CDK6: variants seen among roughly 807,000 people sequenced by gnomAD.
CDK6 encodes cyclin dependent kinase 6.
CDK6 carries 6 observed loss-of-function variants against 37.1 expected under a neutral mutation model. The ratio of observed to expected loss-of-function variants is 0.16; its 90% confidence interval spans 0.09 to 0.32. CDK6 has a LOEUF of 0.32. Among genes scored for constraint, CDK6 ranks in the 10% least tolerant of loss-of-function variants. The probability of loss-of-function intolerance (pLI) is 1.00; values close to 1 mark genes in which losing one functional copy is unlikely to be tolerated. For synonymous variants in CDK6, 160 were observed against 161.3 expected (o/e 0.99, Z 0.06); for missense variants, 224 against 418.9 (o/e 0.53, Z 4.06).
At chr7:92,780,677 C>T (rs989896254) in intron 2 of CDK6, among the ~76,000 whole-genome samples, 11 of 149,982 alleles carry the variant, frequency 7.3e-5, no homozygotes, top group African/African-American at 2.4e-4. Flanking sequence ...AGGAGAATGG[C>T]GTGAACCTGA....
chr7:92,616,950 T>A (rs966915711), intron 7 of CDK6, among the ~76,000 whole-genome samples: 7 of 152,208 alleles, frequency 4.6e-5, no homozygotes, highest in African/African-American at 1.7e-4. Flanking sequence ...AGGAACAAGG[T>A]TGCCAGGTTG....
At chr7:92,719,541 G>A (rs1435490563) in intron 4 of CDK6, among the ~76,000 whole-genome samples, 2 of 152,234 alleles carry the variant, frequency 1.3e-5, no homozygotes, top group East Asian at 3.9e-4. Context: ...GATTCTTGGA[G>A]AAAGAGAATA....
rs3731342 is a variant in CDK6, at chr7:92,644,335, A to G, written c.648-21249T>C. Reference sequence around the variant, plus strand: ...ATATATGGGGTTGGGACAAGTGGCTATTTACAGCTAAGAAGGGAATATTTT... The same window carrying G: ...ATATATGGGGTTGGGACAAGTGGCTGTTTACAGCTAAGAAGGGAATATTTT... On this transcript the variant is annotated intron_variant, in intron 5 of 7. Transcript: ENST00000424848. 5.9e-5 allele frequency among the ~76,000 whole-genome samples: 9 copies of G among 152,304 alleles called. No individual in the cohort carries two copies. The East Asian group carries it at 1.2e-3, about 20-fold the overall frequency.
At chr7:92,667,709 G>T (rs1034914467) in intron 5 of CDK6, among the ~76,000 whole-genome samples, 5 of 151,868 alleles carry the variant, frequency 3.3e-5, no homozygotes, top group Admixed American at 3.3e-4. Context: ...ACACCACCAT[G>T]TCTGGTTAAT....
intron 2 of CDK6, among the ~76,000 whole-genome samples, chr7:92,787,049 G>A (rs1800159683): frequency 6.6e-6 from 1 of 151,952 alleles, no homozygotes; most frequent in African/African-American, 2.4e-5. Context: ...GGGTGTGGTG[G>A]CGCATGTCTG....
intron 4 of CDK6, among the ~76,000 whole-genome samples, chr7:92,718,134 A>T (rs1271592395): frequency 6.6e-6 from 1 of 152,182 alleles, no homozygotes; most frequent in Non-Finnish European, 1.5e-5. Context: ...TGAAAGTGAA[A>T]ACGAAACCGG....
At chr7:92,695,582 G>A (rs1226647271) in intron 4 of CDK6, among the ~76,000 whole-genome samples, 2 of 152,226 alleles carry the variant, frequency 1.3e-5, no homozygotes, top group Non-Finnish European at 2.9e-5. Flanking sequence ...TTCACATTCT[G>A]GCAGGACAGG....
chr7:92,666,794 C>T (rs894692903), intron 5 of CDK6, among the ~76,000 whole-genome samples: 4 of 152,206 alleles, frequency 2.6e-5, no homozygotes, highest in East Asian at 3.8e-4. Context: ...TAATTATATA[C>T]AGTACATAAT....
Position 92,835,636 on chromosome 7 carries a change from C to T in CDK6, c.-368+842G>A, listed in dbSNP as rs1289853681. Among the ~76,000 whole-genome samples, 2 of 152,216 alleles carry T rather than the reference C, an allele frequency of 1.3e-5. No individual in the cohort carries two copies. Among genetic ancestry groups the T allele is most frequent in the Non-Finnish European group, 2.9e-5 (2 of 68,042 alleles). On this transcript the variant is annotated intron_variant, in intron 1 of 7. Transcript: ENST00000424848. This position sits in a 1 kb window ranked among gnomAD's most constrained non-coding sequence, Gnocchi z 4.2. The stretch of plus-strand genomic sequence containing the variant: ...TTTCTGTCTCTGCTCTCTGTCTTCA[C>T]ACTCAATGAAATCCTTCATGCGCCT...
chr7:92,770,455 T>TTAA, intron 3 of CDK6, among the ~76,000 whole-genome samples: 1 of 152,206 alleles, frequency 6.6e-6, no homozygotes, highest in Non-Finnish European at 1.5e-5. Flanking sequence ...ATGTACTTTA[T>TTAA]TAAAGTCCCA....
At chr7:92,679,915 C>T (rs1015424849) in intron 4 of CDK6, among the ~76,000 whole-genome samples, 4 of 151,684 alleles carry the variant, frequency 2.6e-5, no homozygotes, top group South Asian at 2.1e-4. Flanking sequence ...GACAGAGTTT[C>T]GCCATGTTGC....
chr7:92,686,087 A>C (rs1412185470), intron 4 of CDK6, among the ~76,000 whole-genome samples: 2 of 152,260 alleles, frequency 1.3e-5, no homozygotes, highest in African/African-American at 4.8e-5. Flanking sequence ...AGAAGTGATC[A>C]CAGTGATATC....
chr7:92,666,195 A>G (rs1222223111), intron 5 of CDK6, among the ~76,000 whole-genome samples: 1 of 152,228 alleles, frequency 6.6e-6, no homozygotes, highest in Non-Finnish European at 1.5e-5. Context: ...CTGGCCTTCC[A>G]CTGAGAAATC....
At chr7:92,706,327 G>A (rs142725814) in intron 4 of CDK6, among the ~76,000 whole-genome samples, 1 of 152,324 alleles carries the variant, frequency 6.6e-6, no homozygotes, top group Non-Finnish European at 1.5e-5. Context: ...TTGAGCCCAG[G>A]AGGCTGAGAC....
intron 2 of CDK6, among the ~76,000 whole-genome samples, chr7:92,782,815 T>A (rs1800027532): frequency 6.6e-6 from 1 of 152,242 alleles, no homozygotes; most frequent in Non-Finnish European, 1.5e-5. Context: ...AAAATTGTCC[T>A]AAGACATCTA....
chr7:92,836,216 G>A (rs567360498), intron 1 of CDK6, among the ~76,000 whole-genome samples: 4 of 140,098 alleles, frequency 2.9e-5, no homozygotes, highest in African/African-American at 1.1e-4. Context: ...CGGTGTCGCG[G>A]GTGTCCCTAG....
At chr7:92,818,271 A>T (rs147232874) in intron 2 of CDK6, among the ~76,000 whole-genome samples, 1 of 152,166 alleles carries the variant, frequency 6.6e-6, no homozygotes, top group Non-Finnish European at 1.5e-5. Flanking sequence ...CAAAAGAACA[A>T]AGAGTCTAAA....
intron 5 of CDK6, among the ~76,000 whole-genome samples, chr7:92,638,342 C>T (rs186704760): frequency 8.4e-4 from 128 of 152,304 alleles, no homozygotes; most frequent in Non-Finnish European, 5.1e-4. Context: ...AGTGACTCTG[C>T]CAAGCCAATC....
intron 4 of CDK6, among the ~76,000 whole-genome samples, chr7:92,683,169 T>C (rs1169441904): frequency 2.6e-5 from 4 of 151,606 alleles, no homozygotes; most frequent in African/African-American, 9.7e-5. Context: ...TATGGCAGGC[T>C]GCAGGGCTCA....
Sources: allele counts gnomAD v4.1 joint callset (sites outside exome capture counted in the v4.1 genomes callset), GRCh38; gene constraint gnomAD v4.1.1; non-coding constraint Gnocchi (gnomAD v3.1); transcripts MANE v1.5; gene names NCBI Gene and HGNC (gene_info 2026-07-23, HGNC 2026-07-21).